SNX29: variants seen among roughly 807,000 people sequenced by gnomAD.
SNX29 encodes sorting nexin 29.
SNX29 carries 78 observed loss-of-function variants against 102.1 expected under a neutral mutation model. The observed-to-expected ratio is 0.76, with a 90% CI of 0.64 to 0.92. The LOEUF is 0.92. Ranked by LOEUF, SNX29 falls within the 40% of genes least tolerant of loss-of-function variation. The pLI is 0.00. For missense variants in SNX29, 1,280 were observed against 1,061.7 expected (o/e 1.21, Z -2.86); for synonymous variants, 580 against 414.5 (o/e 1.40, Z -4.85).
Position 12,569,997 on chromosome 16 carries a change from T to G in SNX29, c.*1368T>G, listed in dbSNP as rs931139413. The G allele has an allele frequency of 1.4e-4, 37 of 264,886 alleles. No individual in the cohort carries two copies. Among genetic ancestry groups the G allele is most frequent in the African/African-American group, 6.3e-4 (29 of 45,846 alleles). 16.4% of individuals were successfully genotyped at this position (264,886 alleles called of 1,614,324 possible). A position where few individuals can be genotyped will look rare whatever the true frequency, so the allele number is the denominator to read the frequency against. On this transcript the variant is annotated 3_prime_UTR_variant, in exon 21 of 21. Transcript: ENST00000566228. ...TTGTCCTGGAACTGCTTCAACTCAGTGGCTTAAAATGAGAACTGCCCAGGT... is the reference window on the plus strand; with the variant it reads ...TTGTCCTGGAACTGCTTCAACTCAGGGGCTTAAAATGAGAACTGCCCAGGT...
At chr16:12,233,519 A>T (rs571539352) in intron 14 of SNX29, among the ~76,000 whole-genome samples, 1 of 152,180 alleles carries the variant, frequency 6.6e-6, no homozygotes, top group Non-Finnish European at 1.5e-5. Context: ...GATCATTTTT[A>T]CCCCAAACCT....
At chr16:12,537,589 T>G (rs2077133254) in intron 20 of SNX29, among the ~76,000 whole-genome samples, 2 of 152,224 alleles carry the variant, frequency 1.3e-5, no homozygotes, top group Non-Finnish European at 2.9e-5. Flanking sequence ...TTTACTTCTT[T>G]GTTCAAACTC....
Position 12,018,532 on chromosome 16 carries a change from G to A in SNX29, c.123-8788G>A, listed in dbSNP as rs1173892225. On this transcript the variant is annotated intron_variant, in intron 3 of 20. Transcript: ENST00000566228. ...TGGGAGGCGCAGGTTGCAGTGAGCCGAGATCGTGTCACTGCACTTCAGCCT... is the reference window on the plus strand; with the variant it reads ...TGGGAGGCGCAGGTTGCAGTGAGCCAAGATCGTGTCACTGCACTTCAGCCT... Among the ~76,000 whole-genome samples, 3 of 151,170 alleles carry A rather than the reference G, an allele frequency of 2.0e-5. No individual in the cohort carries two copies. In the East Asian group the frequency reaches 5.8e-4, roughly 29 times the overall value.
At chr16:12,448,786 A>T (rs11075081) in intron 18 of SNX29, among the ~76,000 whole-genome samples, 40,441 of 152,106 alleles carry the variant, frequency 0.27, 5,802 homozygotes, top group African/African-American at 0.39. Context: ...TCTCCAAGAC[A>T]ACAAGCTGTC....
chr16:12,566,129 G>T (rs1332053312), intron 20 of SNX29, among the ~76,000 whole-genome samples: 1 of 152,224 alleles, frequency 6.6e-6, no homozygotes, highest in South Asian at 2.1e-4. Context: ...CCAAGGCTCA[G>T]AGGGCAGGCA....
chr16:12,559,804 C>G (rs533167222), intron 20 of SNX29, among the ~76,000 whole-genome samples: 2 of 152,278 alleles, frequency 1.3e-5, no homozygotes, highest in South Asian at 2.1e-4. Context: ...TTACTATCTT[C>G]CAGGCCATTT....
intron 19 of SNX29, among the ~76,000 whole-genome samples, chr16:12,481,537 CACACACACACACACACA>C: frequency 6.6e-6 from 1 of 151,042 alleles, no homozygotes; most frequent in African/African-American, 2.4e-5. Flanking sequence ...CACACACACA[CACACACACACACACACA>C]CCCCAAATGT....
intron 11 of SNX29, among the ~76,000 whole-genome samples, chr16:12,088,949 A>C (rs1415133550): frequency 6.6e-6 from 1 of 152,118 alleles, no homozygotes; most frequent in Non-Finnish European, 1.5e-5. Flanking sequence ...TTAGCTGGGC[A>C]TAGTGGTGGG....
At chr16:12,095,164 G>A (rs1182578481) in intron 11 of SNX29, 1 of 152,152 alleles carries the variant, frequency 6.6e-6, no homozygotes, top group Admixed American at 6.6e-5. Context: ...TACTTTACTA[G>A]ATCTTAATCA....
chr16:12,211,903 G>A (rs994739795), intron 14 of SNX29, among the ~76,000 whole-genome samples: 2 of 152,070 alleles, frequency 1.3e-5, no homozygotes, highest in Non-Finnish European at 2.9e-5. Flanking sequence ...ATTTAGACTG[G>A]TGTTGGGTGA....
intron 20 of SNX29, among the ~76,000 whole-genome samples, chr16:12,548,091 C>T (rs1199605231): frequency 6.6e-6 from 1 of 152,196 alleles, no homozygotes; most frequent in African/African-American, 2.4e-5. Flanking sequence ...AAAGATGTTG[C>T]TAAGGGACAT....
chr16:12,424,895 C>G (rs145693895), intron 18 of SNX29, among the ~76,000 whole-genome samples: 234 of 152,286 alleles, frequency 1.5e-3, no homozygotes, highest in African/African-American at 5.2e-3. Flanking sequence ...AAAATTAATA[C>G]TAATCAACCA....
intron 8 of SNX29, among the ~76,000 whole-genome samples, chr16:12,060,132 C>T (rs1440803816): frequency 6.8e-6 from 1 of 147,916 alleles, no homozygotes; most frequent in African/African-American, 2.5e-5. Flanking sequence ...AACTGTGGAT[C>T]AAAAATATTA....
intron 18 of SNX29, among the ~76,000 whole-genome samples, chr16:12,476,441 T>TGA (rs1350758925): frequency 2.5e-4 from 23 of 90,778 alleles, no homozygotes; most frequent in African/African-American, 9.2e-4. Flanking sequence ...TATATATATA[T>TGA]ATGATGAGAA....
chr16:12,025,051 C>T (rs148116009), intron 3 of SNX29, among the ~76,000 whole-genome samples: 8 of 152,064 alleles, frequency 5.3e-5, no homozygotes, highest in Admixed American at 1.3e-4. Context: ...CCTGTAATCC[C>T]AGCACTTTGG....
chr16:12,512,744 C>G (rs754121972), intron 19 of SNX29, among the ~76,000 whole-genome samples: 28 of 152,120 alleles, frequency 1.8e-4, no homozygotes, highest in South Asian at 8.3e-4. Flanking sequence ...GTGCTGTTCA[C>G]TTCTCCTCAC....
chr16:12,375,748 T>G (rs1401112934), intron 16 of SNX29: 1 of 152,172 alleles, frequency 6.6e-6, no homozygotes, highest in Non-Finnish European at 1.5e-5. Flanking sequence ...GAGGTAGCAT[T>G]CTGGCCGGGA....
chr16:12,208,489 C>T (rs1421721802), intron 14 of SNX29, among the ~76,000 whole-genome samples: 1 of 152,168 alleles, frequency 6.6e-6, no homozygotes, highest in Non-Finnish European at 1.5e-5. Context: ...ACATGTCTCT[C>T]AGATATACTG....
At chr16:12,524,153 G>T (rs1054257063) in intron 19 of SNX29, among the ~76,000 whole-genome samples, 1 of 152,112 alleles carries the variant, frequency 6.6e-6, no homozygotes, top group African/African-American at 2.4e-5. Context: ...CGTGGCCCAC[G>T]CGTCCTAGTT....
Sources: gnomAD v4.1 joint callset for allele counts (sites outside exome capture counted in the v4.1 genomes callset) on GRCh38, gnomAD v4.1.1 for gene constraint, MANE v1.5 for transcripts, NCBI Gene and HGNC (gene_info 2026-07-23, HGNC 2026-07-21) for gene names.